DSC2: variants seen among roughly 807,000 people sequenced by gnomAD.
DSC2 encodes desmocollin-2.
In DSC2, 51 loss-of-function variants were observed where a neutral mutation model predicts 87.6. The ratio of observed to expected loss-of-function variants is 0.58; its 90% CI spans 0.46 to 0.74. The LOEUF (loss-of-function observed/expected upper bound fraction) is 0.74. Ranked by LOEUF, DSC2 falls within the 30% of genes least tolerant of loss-of-function variation. DSC2 has a pLI of 0.00. For synonymous variants in DSC2, 383 were observed against 393.2 expected (o/e 0.97, Z 0.31); for missense variants, 1,066 against 1,089.5 (o/e 0.98, Z 0.30).
chr18:31,071,200 T>C (rs1210428998), intron 13 of DSC2, among the ~76,000 whole-genome samples: 1 of 152,002 alleles, frequency 6.6e-6, no homozygotes, highest in African/African-American at 2.4e-5. Context: ...TAAATAAAAA[T>C]ACAGCTACAT....
At chr18:31,090,987 G>C in intron 4 of DSC2, 41 bp downstream of exon 4, 4 of 1,613,432 alleles carry the variant, frequency 2.5e-6, no homozygotes, top group Non-Finnish European at 3.4e-6. Context: ...GTAAGAGATG[G>C]AAACTATAGA....
At chr18:31,073,568 A>G (rs866277220) in intron 12 of DSC2, among the ~76,000 whole-genome samples, 2 of 152,244 alleles carry the variant, frequency 1.3e-5, no homozygotes, top group South Asian at 4.2e-4. Context: ...CTAATTTGTC[A>G]TAACAGGAAA....
chr18:31,100,420 A>T (rs1987901140), intron 1 of DSC2, among the ~76,000 whole-genome samples: 1 of 152,192 alleles, frequency 6.6e-6, no homozygotes, highest in African/African-American at 2.4e-5. Flanking sequence ...AGAAATTGCA[A>T]TTTTATTAGG....
In DSC2 at chr18:31,080,313, T is replaced by G; in HGVS notation, c.1303A>C (p.Ile435Leu). 1 of 1,613,974 alleles carries G rather than the reference T, an allele frequency of 6.2e-7. No individual in the cohort carries two copies. Residue 435 changes from isoleucine to leucine, a missense_variant, in exon 10 of 16, where the codon ATT (isoleucine) becomes CTT (leucine). Ile to Leu is a conservative substitution (Grantham distance 5, BLOSUM62 2). Coordinates refer to ENST00000280904, the MANE Select transcript of DSC2 (RefSeq NM_024422.6). ...AATGGAGCTTCATTAACTACACCAATTTGCAAGATCATCTGTTGCTTTTCT... is the reference window on the plus strand; with the variant it reads ...AATGGAGCTTCATTAACTACACCAAGTTGCAAGATCATCTGTTGCTTTTCT... ...YEEKQQMILQ[I>L]GVVNEAPFSR...
At chr18:31,077,127 A>G (rs1987047327) in intron 11 of DSC2, among the ~76,000 whole-genome samples, 1 of 152,256 alleles carries the variant, frequency 6.6e-6, no homozygotes, top group Non-Finnish European at 1.5e-5. Flanking sequence ...GAGAGAAAAC[A>G]ATGAGAAGCA....
rs1372915457 is a variant in DSC2, at chr18:31,060,433, G to A, written c.*7582C>T. 6.6e-6 allele frequency: 1 copy of A among 152,028 alleles called. No individual in the cohort carries two copies. The highest frequency in any genetic ancestry group is 1.5e-5 in the Non-Finnish European group (1 of 68,024). The allele number at this position is 152,028 out of a possible 1,614,324, so 9.4% of individuals were successfully genotyped here. A position where few individuals can be genotyped will look rare whatever the true frequency, so the allele number is the denominator to read the frequency against. Reference sequence around the variant, plus strand: ...AGGGGAACACTCCTTAAGCTGAAAAGTCTCGTCTCTACCCTCATCTCCCAT... The same window carrying A: ...AGGGGAACACTCCTTAAGCTGAAAAATCTCGTCTCTACCCTCATCTCCCAT... On this transcript the variant is annotated 3_prime_UTR_variant, in exon 16 of 16. Transcript: ENST00000280904.
chr18:31,086,449 A>C (rs1389269430), intron 7 of DSC2, 127 bp downstream of exon 7: 1 of 1,154,658 alleles, frequency 8.7e-7, no homozygotes, highest in Non-Finnish European at 1.3e-6. Flanking sequence ...CTCTATTAAC[A>C]TACATAAAAT....
chr18:31,089,727 A>G, intron 4 of DSC2, 133 bp from the exon 5 acceptor site: 5 of 874,222 alleles, frequency 5.7e-6, no homozygotes, highest in Non-Finnish European at 8.5e-6. Context: ...ATATAAATTA[A>G]AACAGCAATA....
At position 31,074,905 on chromosome 18, in the gene DSC2, C is replaced by G; in HGVS notation, c.1666G>C (p.Gly556Arg). Reference sequence around the variant, plus strand: ...CCCAGTGTCCCCGTACATGTTCTCCCTCCTAGAAAAATGAAAATAAAAATA... The same window carrying G: ...CCCAGTGTCCCCGTACATGTTCTCCGTCCTAGAAAAATGAAAATAAAAATA... ...NITVLASDQG[G>R]RTCTGTLGII... Residue 556 changes from glycine to arginine, a missense_variant and splice_region_variant, in exon 12 of 16, where the codon GGG becomes CGG. Physicochemically the swap from Gly to Arg is moderately radical, Grantham distance 125. Transcript: ENST00000280904. 6.2e-7 allele frequency: 1 copy of G among 1,612,760 alleles called. No homozygotes were observed. Among genetic ancestry groups the G allele is most frequent in the Non-Finnish European group, 8.5e-7 (1 of 1,179,368 alleles).
At chr18:31,072,120 C>T (rs1019819287) in intron 12 of DSC2, among the ~76,000 whole-genome samples, 13 of 152,150 alleles carry the variant, frequency 8.5e-5, no homozygotes, top group African/African-American at 2.9e-4. Context: ...CAAATCCTTC[C>T]TATCACAACT....
rs1377996658 is a variant in DSC2 at position 31,071,706 on chromosome 18, T to C, written c.2024A>G (p.Asn675Ser). Residue 675 changes from asparagine (N) to serine (S), a missense_variant, in exon 13 of 16, where the codon AAT becomes AGT. Transcript: ENST00000280904. ...TGGATCTACACGATGTGTGCAGTCATTTTCGGTAATGCAGTCACACAGTGT... is the reference window on the plus strand; with the variant it reads ...TGGATCTACACGATGTGTGCAGTCACTTTCGGTAATGCAGTCACACAGTGT... ...DVTLCDCITE[N>S]DCTHRVDPRI... 6.2e-7 allele frequency: 1 copy of C among 1,613,964 alleles called. No homozygotes were observed. Among genetic ancestry groups the C allele is most frequent in the Non-Finnish European group, 8.5e-7 (1 of 1,180,004 alleles).
At chr18:31,079,674 TA>T (rs1987138037) in intron 11 of DSC2, among the ~76,000 whole-genome samples, 172 bp downstream of exon 11, 3 of 152,218 alleles carry the variant, frequency 2.0e-5, no homozygotes, top group Admixed American at 6.5e-5. Flanking sequence ...CTGAGAAGGC[TA>T]TTAGAAAGCA....
Position 31,059,711 on chromosome 18 carries a change from A to G in DSC2, c.*8304T>C, listed in dbSNP as rs1044206503. On this transcript the variant is annotated 3_prime_UTR_variant, in exon 16 of 16. Transcript: ENST00000280904. ...GATTTATCACTCAATATCTTAGTGT[A>G]TTACAGATAGTCTCATATTTATTTA... The G allele has an allele frequency of 3.9e-5, 6 of 152,212 alleles. No homozygotes were observed. The highest frequency in any genetic ancestry group is 2.6e-4 in the Admixed American group (4 of 15,276). The allele number at this position is 152,212 out of a possible 1,614,324, so 9.4% of individuals were successfully genotyped here.
intron 2 of DSC2, 55 bp downstream of exon 2, chr18:31,093,504 G>A (rs980838301): frequency 2.2e-6 from 3 of 1,360,908 alleles, no homozygotes; most frequent in Non-Finnish European, 3.1e-6. Context: ...GTATTCCATG[G>A]CGTATATGTA....
intron 12 of DSC2, 54 bp downstream of exon 12, chr18:31,074,629 T>A: frequency 1.4e-5 from 20 of 1,458,832 alleles, no homozygotes; most frequent in Admixed American, 1.2e-4. Flanking sequence ...AAAAAAAAAG[T>A]ATCGCAGACA....
At position 31,101,086 on chromosome 18, in the gene DSC2, G is replaced by GC. The variant is rs1987930090; in HGVS notation, c.69+816_69+817insG. 3 of 582,756 alleles carry GC rather than the reference G, an allele frequency of 5.1e-6. No homozygotes were observed. The Admixed American group carries it at 2.1e-4, about 40-fold the overall frequency. The allele number at this position is 582,756 out of a possible 1,614,324, so 36.1% of individuals were successfully genotyped here. ...AACCTGGGGCAAGGGGCGGTGGCGC[G>GC]GGGGGCGGGTGGTGAGCAGAAAAAT... On this transcript the variant is annotated intron_variant, in intron 1 of 15. Transcript: ENST00000280904.
At chr18:31,096,660 A>AT (rs534769165) in intron 1 of DSC2, among the ~76,000 whole-genome samples, 2 of 151,944 alleles carry the variant, frequency 1.3e-5, no homozygotes, top group Non-Finnish European at 2.9e-5. Flanking sequence ...AACCATTCTT[A>AT]TTTTTTTTAG....
At chr18:31,073,284 C>G (rs1448733730) in intron 12 of DSC2, among the ~76,000 whole-genome samples, 1 of 151,352 alleles carries the variant, frequency 6.6e-6, no homozygotes, top group Non-Finnish European at 1.5e-5. Flanking sequence ...ATCATGACAC[C>G]AAATAAGTAG....
chr18:31,100,543 A>G (rs1012180569), intron 1 of DSC2, among the ~76,000 whole-genome samples: 4 of 152,122 alleles, frequency 2.6e-5, no homozygotes, highest in African/African-American at 9.7e-5. Context: ...GGCCCTTTCT[A>G]TGTTATTAAT....
Sources: allele counts gnomAD v4.1 joint callset (sites outside exome capture counted in the v4.1 genomes callset), GRCh38; gene constraint gnomAD v4.1.1; transcripts MANE v1.5; gene names NCBI Gene and HGNC (gene_info 2026-07-23, HGNC 2026-07-21).